The following EPHA6 variants were observed in gnomAD, a reference collection of about 807,000 sequenced individuals.
EPHA6 encodes EPH receptor A6, also known as ephrin type-A receptor 6.
Under a neutral mutation model 112.0 loss-of-function variants are expected in EPHA6, and 50 were observed. The observed-to-expected ratio is 0.45, with a 90% CI of 0.36 to 0.56. The LOEUF (loss-of-function observed/expected upper bound fraction) is 0.56. Among genes scored for constraint, EPHA6 ranks in the 20% least tolerant of loss-of-function variants. The probability of loss-of-function intolerance (pLI) is 0.00; values close to 1 mark genes in which losing one functional copy is unlikely to be tolerated. For missense variants in EPHA6, 1,280 were observed against 1,417.4 expected (o/e 0.90, Z 1.56); for synonymous variants, 529 against 490.7 (o/e 1.08, Z -1.03).
At chr3:97,511,164 C>G (rs929959087) in intron 10 of EPHA6, among the ~76,000 whole-genome samples, 1 of 152,100 alleles carries the variant, frequency 6.6e-6, no homozygotes, top group East Asian at 1.9e-4. Flanking sequence ...ATGGCTTCAG[C>G]CCCCTTTCCA....
chr3:97,584,017 A>G (rs559581482), intron 11 of EPHA6, among the ~76,000 whole-genome samples: 74 of 152,318 alleles, frequency 4.9e-4, no homozygotes, highest in Non-Finnish European at 7.9e-4. Flanking sequence ...ACACTGGGTC[A>G]TCATAAGCAT....
intron 14 of EPHA6, among the ~76,000 whole-genome samples, chr3:97,647,267 A>G (rs2094072134): frequency 6.6e-6 from 1 of 152,160 alleles, no homozygotes; most frequent in African/African-American, 2.4e-5. Flanking sequence ...CTACACAGGA[A>G]TAAGACCAAG....
intron 14 of EPHA6, among the ~76,000 whole-genome samples, chr3:97,682,450 T>C (rs772463813): frequency 3.3e-5 from 5 of 152,086 alleles, no homozygotes; most frequent in East Asian, 1.9e-4. Flanking sequence ...CATTCCTTTT[T>C]TTCTATATAT....
At chr3:97,350,927 T>C (rs887085436) in intron 5 of EPHA6, among the ~76,000 whole-genome samples, 2 of 152,168 alleles carry the variant, frequency 1.3e-5, no homozygotes, top group African/African-American at 4.8e-5. Context: ...AATTGAAATA[T>C]GAGATGTCAG....
chr3:97,507,442 TTTTG>T (rs761494279), intron 10 of EPHA6, among the ~76,000 whole-genome samples: 3 of 152,166 alleles, frequency 2.0e-5, no homozygotes, highest in Non-Finnish European at 4.4e-5. Flanking sequence ...TTGTCATTGG[TTTTG>T]TTTATGTGAT....
chr3:97,464,744 T>G (rs1431157935), intron 7 of EPHA6, among the ~76,000 whole-genome samples: 1 of 152,012 alleles, frequency 6.6e-6, no homozygotes, highest in Non-Finnish European at 1.5e-5. Context: ...ATGGAAAAAG[T>G]TATATTGAAC....
chr3:97,177,754 A>G (rs964424874), intron 3 of EPHA6, among the ~76,000 whole-genome samples: 5 of 151,896 alleles, frequency 3.3e-5, no homozygotes, highest in African/African-American at 9.7e-5. Context: ...TTTTTCTGAG[A>G]TAAGTATAGC....
At chr3:97,047,796 C>T (rs542174995) in intron 3 of EPHA6, among the ~76,000 whole-genome samples, 1 of 152,050 alleles carries the variant, frequency 6.6e-6, no homozygotes, top group Admixed American at 6.6e-5. Context: ...GTAATAATTG[C>T]ACTAAAAACC....
intron 5 of EPHA6, among the ~76,000 whole-genome samples, chr3:97,272,123 C>CT (rs1559842744): frequency 6.6e-6 from 1 of 152,142 alleles, no homozygotes; most frequent in African/African-American, 2.4e-5. Context: ...GTTCCATTCT[C>CT]TGTTTCTATT....
chr3:97,042,517 A>T (rs368155065), intron 3 of EPHA6, among the ~76,000 whole-genome samples: 2 of 152,120 alleles, frequency 1.3e-5, no homozygotes, highest in African/African-American at 2.4e-5. Context: ...ATCTCAGCCC[A>T]AATTATTGAA....
chr3:97,003,463 C>T (rs570225875), intron 3 of EPHA6, among the ~76,000 whole-genome samples: 1 of 152,040 alleles, frequency 6.6e-6, no homozygotes, highest in Non-Finnish European at 1.5e-5. Flanking sequence ...TAGCAGCCAT[C>T]GTACCTTAGT....
At chr3:97,054,091 CA>C (rs2045773694) in intron 3 of EPHA6, among the ~76,000 whole-genome samples, 1 of 151,272 alleles carries the variant, frequency 6.6e-6, no homozygotes, top group African/African-American at 2.4e-5. Flanking sequence ...TATGAGATGA[CA>C]AAATTCAAAG....
intron 11 of EPHA6, among the ~76,000 whole-genome samples, chr3:97,584,260 T>C (rs2093467922): frequency 6.6e-6 from 1 of 152,246 alleles, no homozygotes; most frequent in South Asian, 2.1e-4. Context: ...ACTGAGCATG[T>C]CAAGGAGAAT....
chr3:97,061,580 A>G (rs2046022589), intron 3 of EPHA6, among the ~76,000 whole-genome samples: 1 of 152,202 alleles, frequency 6.6e-6, no homozygotes, highest in Non-Finnish European at 1.5e-5. Context: ...CTACCACTAT[A>G]TGTTTATGGT....
chr3:96,837,077 A>C (rs1274687437), intron 1 of EPHA6, among the ~76,000 whole-genome samples: 3 of 152,126 alleles, frequency 2.0e-5, no homozygotes, highest in Non-Finnish European at 4.4e-5. Context: ...GGAGGCCAAG[A>C]GGAATTCCTT....
At chr3:97,052,107 T>C (rs2045701717) in intron 3 of EPHA6, among the ~76,000 whole-genome samples, 1 of 152,156 alleles carries the variant, frequency 6.6e-6, no homozygotes, top group Non-Finnish European at 1.5e-5. Flanking sequence ...ACAAAGTGAC[T>C]TGGCTATGTC....
rs562310855 is a variant in EPHA6 at position 97,658,416 on chromosome 3, T to C, written c.2784+20334T>C. Among the ~76,000 whole-genome samples, 6 of 151,148 alleles carry C rather than the reference T, an allele frequency of 4.0e-5. No individual in the cohort carries two copies. The East Asian group carries it at 1.2e-3, about 29-fold the overall frequency. ...TTTGTGAAAATACTTTAAACTATGA[T>C]ATAACTATAACCTATGGCCAGAACA... is the stretch of plus-strand genomic sequence containing the variant. On this transcript the variant is annotated intron_variant, in intron 14 of 17. Transcript: ENST00000389672.
chr3:97,072,280 G>T (rs1262581943), intron 3 of EPHA6, among the ~76,000 whole-genome samples: 1 of 152,094 alleles, frequency 6.6e-6, no homozygotes, highest in Admixed American at 6.6e-5. Flanking sequence ...TTTAGAAATA[G>T]AGTCTTTGCC....
intron 14 of EPHA6, among the ~76,000 whole-genome samples, chr3:97,711,408 GAT>G (rs199791129): frequency 8.5e-4 from 125 of 146,460 alleles, no homozygotes; most frequent in Middle Eastern, 3.6e-3. Flanking sequence ...GAACCATTAG[GAT>G]ATATATATAT....
Sources: gnomAD v4.1 joint callset for allele counts (sites outside exome capture counted in the v4.1 genomes callset) on GRCh38, gnomAD v4.1.1 for gene constraint, MANE v1.5 for transcripts, NCBI Gene and HGNC (gene_info 2026-07-23, HGNC 2026-07-21) for gene names.